The following UBE3A variants were observed in gnomAD, a reference collection of about 807,000 sequenced individuals.
UBE3A encodes ubiquitin-protein ligase E3A.
In UBE3A, 6 loss-of-function variants were observed where a neutral mutation model predicts 83.4. The ratio of observed to expected loss-of-function variants is 0.07; its 90% confidence interval spans 0.04 to 0.14. The LOEUF is 0.14. Among genes scored for constraint, UBE3A ranks in the 10% least tolerant of loss-of-function variants. UBE3A has a pLI of 1.00. For missense variants in UBE3A, 456 were observed against 1,036.1 expected (o/e 0.44, Z 7.69); for synonymous variants, 337 against 355.4 (o/e 0.95, Z 0.58).
In UBE3A at chr15:25,340,125, A is replaced by C; in HGVS notation, c.2458T>G (p.Leu820Val). 6.2e-7 allele frequency: 1 copy of C among 1,613,942 alleles called. No homozygotes were observed. The highest frequency in any genetic ancestry group is 8.5e-7 in the Non-Finnish European group (1 of 1,179,938). Residue 820 changes from leucine to valine, a missense_variant, in exon 12 of 13, where the codon TTA becomes GTA. This residue lies in a region of UBE3A where 82 missense variants were observed against 199.3 expected (regional missense o/e 0.41). Coordinates refer to ENST00000648336, the MANE Select transcript of UBE3A (RefSeq NM_130839.5). Reference protein sequence around the residue: ...DRAPVGGLGKLKMIIAKNGPD... With the variant: ...DRAPVGGLGKVKMIIAKNGPD... ...CCATTTTTGGCTATAATCATCTTTA[A>C]TTTTCCTAGTCCTCCCACAGGTGCT... is the stretch of plus-strand genomic sequence containing the variant.
chr15:25,375,184 G>T, intron 5 of UBE3A: 1 of 381,570 alleles, frequency 2.6e-6, no homozygotes, highest in Non-Finnish European at 4.8e-6. Context: ...GCCTAGTTTT[G>T]GAGATTCACT....
rs2074254760 is a variant in UBE3A at position 25,338,965 on chromosome 15, A to G, written c.*172T>C. The G allele has an allele frequency of 1.9e-6, 1 of 537,288 alleles. No homozygotes were observed. The highest frequency in any genetic ancestry group is 2.9e-6 in the Non-Finnish European group (1 of 341,052). The allele number at this position is 537,288 out of a possible 1,614,324, so 33.3% of individuals were successfully genotyped here. ...CTGTTCCAGCCCACATGTCCCCAAT[A>G]AAGAAGGGAGGCACAGACATAGGTG... On this transcript the variant is annotated 3_prime_UTR_variant, in exon 13 of 13. Transcript: ENST00000648336.
chr15:25,354,362 A>G lies in UBE3A; in HGVS notation c.2345T>C (p.Val782Ala), dbSNP rs1049347160. 2 of 1,613,244 alleles carry G rather than the reference A, an allele frequency of 1.2e-6. No homozygotes were observed. The highest frequency in any genetic ancestry group is 2.7e-5 in the African/African-American group (2 of 74,898). ...EYDGGYTRDS[V>A]LIREFWEIVH... ...GAACTAAGTACCTCACCTAATCAGA[A>G]CAGAGTCCCTGGTATAGCCACCGTC... is the stretch of plus-strand genomic sequence containing the variant. The change falls in exon 11 of 13, where the codon GTT becomes GCT. Residue 782 changes from valine (V) to alanine (A), a missense_variant. Val to Ala is a moderately conservative substitution (Grantham distance 64, BLOSUM62 0). Coordinates refer to ENST00000648336, the MANE Select transcript of UBE3A (RefSeq NM_130839.5).
Position 25,438,839 on chromosome 15 carries a change from C to T in UBE3A, c.-515G>A. On this transcript the variant is annotated 5_prime_UTR_variant, in exon 1 of 13. Transcript: ENST00000648336. ...GCAGAGGTGAAGCGTAAGTAGGCGG[C>T]GGATGGCGGGCGCCCGCGCTGGCGG... is the stretch of plus-strand genomic sequence containing the variant. The T allele has an allele frequency of 6.5e-6, 1 of 152,896 alleles. No individual in the cohort carries two copies. Among genetic ancestry groups the T allele is most frequent in the Non-Finnish European group, 1.5e-5 (1 of 68,590 alleles). 9.5% of individuals were successfully genotyped at this position (152,896 alleles called of 1,614,324 possible).
chr15:25,405,543 T>C (rs1261966494), intron 3 of UBE3A, 41 bp from the exon 4 acceptor site: 2 of 1,602,652 alleles, frequency 1.2e-6, no homozygotes, highest in Non-Finnish European at 1.7e-6. Flanking sequence ...AAATATTCCA[T>C]ATTCCAAAAA....
At chr15:25,409,961 AG>A (rs1380940509) in intron 2 of UBE3A, among the ~76,000 whole-genome samples, 1 of 146,088 alleles carries the variant, frequency 6.8e-6, no homozygotes, top group Non-Finnish European at 1.5e-5. Context: ...ACATGGACAC[AG>A]GAAGGGGAAC....
At chr15:25,406,856 GAAAA>G (rs11413336) in intron 3 of UBE3A, among the ~76,000 whole-genome samples, 3 of 114,684 alleles carry the variant, frequency 2.6e-5, no homozygotes, top group Admixed American at 8.9e-5. Flanking sequence ...AATGGAAAAG[GAAAA>G]AAAAAAAAAA....
intron 4 of UBE3A, among the ~76,000 whole-genome samples, chr15:25,379,802 A>T (rs1242493195): frequency 6.6e-6 from 1 of 152,216 alleles, no homozygotes; most frequent in Non-Finnish European, 1.5e-5. Context: ...CAAGCTTAGA[A>T]TATTTTACAT....
chr15:25,347,825 A>T (rs983124124), intron 11 of UBE3A, among the ~76,000 whole-genome samples: 2 of 152,236 alleles, frequency 1.3e-5, no homozygotes, highest in African/African-American at 4.8e-5. Context: ...AACAGAAGAC[A>T]GAAACAGAAA....
intron 4 of UBE3A, among the ~76,000 whole-genome samples, chr15:25,398,792 TATATATATATATATATATATATAAAA>T (rs1388477629): frequency 2.9e-5 from 2 of 68,592 alleles, no homozygotes; most frequent in Admixed American, 1.8e-4. Context: ...TATATATATA[TATATATATATATATATATATATAAAA>T]ATACATATAT....
At chr15:25,375,090 C>A in intron 5 of UBE3A, 1 of 200,570 alleles carries the variant, frequency 5.0e-6, no homozygotes, top group Non-Finnish European at 1.0e-5. Context: ...CCTCTTTCTG[C>A]TTCTTTCATC....
In UBE3A at chr15:25,407,009, C is replaced by T. The variant is rs548234523; in HGVS notation, c.21-1507G>A. On this transcript the variant is annotated intron_variant, in intron 3 of 12. Transcript: ENST00000648336. ...CAGTGACTTGGCTGTGACACAAATG[C>T]AAAAATTTCACTCCACCCTCTCCCC... 112 of 1,234,430 alleles carry T rather than the reference C, an allele frequency of 9.1e-5. 1 individual carries two copies. The African/African-American group carries it at 1.7e-3, about 18-fold the overall frequency. 76.5% of individuals were successfully genotyped at this position (1,234,430 alleles called of 1,614,324 possible).
At chr15:25,414,999 G>T (rs2090614159) in intron 1 of UBE3A, among the ~76,000 whole-genome samples, 1 of 152,150 alleles carries the variant, frequency 6.6e-6, no homozygotes, top group Admixed American at 6.5e-5. Context: ...TAGGGAACTA[G>T]CTTTCAGTCC....
At chr15:25,415,837 T>TC (rs1419186835) in intron 1 of UBE3A, 1 of 70,250 alleles carries the variant, frequency 1.4e-5, no homozygotes, top group Non-Finnish European at 2.7e-5. Context: ...ACACCATACC[T>TC]CCCCTCTACA....
At chr15:25,386,350 T>G (rs1454278632) in intron 4 of UBE3A, among the ~76,000 whole-genome samples, 1 of 151,934 alleles carries the variant, frequency 6.6e-6, no homozygotes, top group Non-Finnish European at 1.5e-5. Context: ...TAATAAAAGG[T>G]AAAAAACAAG....
intron 1 of UBE3A, among the ~76,000 whole-genome samples, chr15:25,433,441 T>A (rs1894095743): frequency 6.6e-6 from 1 of 152,120 alleles, no homozygotes; most frequent in African/African-American, 2.4e-5. Flanking sequence ...CCGCCTCGGC[T>A]TCCCAAAGTG....
intron 2 of UBE3A, 119 bp from the exon 3 acceptor site, chr15:25,409,326 A>G: frequency 2.3e-6 from 1 of 433,906 alleles, no homozygotes; most frequent in Non-Finnish European, 4.2e-6. Context: ...TCAGAAGAGT[A>G]ATTATTATAG....
chr15:25,337,050 C>T lies in UBE3A; in HGVS notation c.*2087G>A. 6.6e-6 allele frequency: 1 copy of T among 152,090 alleles called. No individual in the cohort carries two copies. Among genetic ancestry groups the T allele is most frequent in the East Asian group, 1.9e-4 (1 of 5,184 alleles). The allele number at this position is 152,090 out of a possible 1,614,324, so 9.4% of individuals were successfully genotyped here. On this transcript the variant is annotated 3_prime_UTR_variant, in exon 13 of 13. Transcript: ENST00000648336. Reference sequence around the variant, plus strand: ...AAGCTAGAGCAGCTATTCTGTGCAACCGACGATTTTTTTTCTCTAAAATTT... The same window carrying T: ...AAGCTAGAGCAGCTATTCTGTGCAATCGACGATTTTTTTTCTCTAAAATTT...
chr15:25,384,802 G>T (rs915808427), intron 4 of UBE3A, among the ~76,000 whole-genome samples: 1 of 152,092 alleles, frequency 6.6e-6, no homozygotes, highest in Non-Finnish European at 1.5e-5. Flanking sequence ...TATGGTGCTG[G>T]CATAAAGACA....
Sources: allele counts gnomAD v4.1 joint callset (sites outside exome capture counted in the v4.1 genomes callset), GRCh38; gene constraint gnomAD v4.1.1; regional missense constraint gnomAD v4.1.1; transcripts MANE v1.5; gene names NCBI Gene and HGNC (gene_info 2026-07-23, HGNC 2026-07-21).